SLC41A2: variants seen among roughly 807,000 people sequenced by gnomAD.
SLC41A2 encodes the protein SLC41A1-like 1.
A neutral mutation model predicts 58.3 loss-of-function variants in SLC41A2; 32 were observed. That is an observed-to-expected ratio of 0.55 (90% confidence interval 0.41 to 0.74). The LOEUF (loss-of-function observed/expected upper bound fraction) is 0.74. Among genes scored for constraint, SLC41A2 ranks in the 30% least tolerant of loss-of-function variants. The probability of loss-of-function intolerance (pLI) is 0.00; values close to 1 mark genes in which losing one functional copy is unlikely to be tolerated. For missense variants in SLC41A2, 514 were observed against 680.6 expected (o/e 0.76, Z 2.72); for synonymous variants, 190 against 235.0 (o/e 0.81, Z 1.75).
intron 3 of SLC41A2, among the ~76,000 whole-genome samples, chr12:104,902,142 GA>G (rs372889972): frequency 0.077 from 11,430 of 149,226 alleles, 490 homozygotes; most frequent in Middle Eastern, 0.11. Flanking sequence ...GCACATAAAT[GA>G]AAAAAAAACA....
At chr12:104,870,546 T>C (rs2043717980) in intron 6 of SLC41A2, among the ~76,000 whole-genome samples, 1 of 152,226 alleles carries the variant, frequency 6.6e-6, no homozygotes. Context: ...TTAAGCCTAA[T>C]AAATGTCCAT....
At chr12:104,825,991 G>A (rs1013444042) in intron 10 of SLC41A2, among the ~76,000 whole-genome samples, 1 of 152,140 alleles carries the variant, frequency 6.6e-6, no homozygotes. Context: ...CACCTGCCAA[G>A]GTCACCAGGG....
rs1478519158 is a variant in SLC41A2 at position 104,853,915 on chromosome 12, T to A, written c.1255+7376A>T. Among the ~76,000 whole-genome samples, 18 of 125,044 alleles carry A rather than the reference T, an allele frequency of 1.4e-4. 1 individual carries two copies. In the East Asian group the frequency reaches 2.8e-3, roughly 20 times the overall value. 82.0% of individuals were successfully genotyped at this position (125,044 alleles called of 152,430 possible). Reference sequence around the variant, plus strand: ...GCATGTCACCATGCCTGGCTGATTTTTTTTTTTTTTTTTTTTTTTTTTTTA... The same window carrying A: ...GCATGTCACCATGCCTGGCTGATTTATTTTTTTTTTTTTTTTTTTTTTTTA... On this transcript the variant is annotated intron_variant, in intron 8 of 10. Transcript: ENST00000258538.
intron 1 of SLC41A2, among the ~76,000 whole-genome samples, chr12:104,937,816 G>T (rs1457132776): frequency 6.6e-6 from 1 of 152,150 alleles, no homozygotes; most frequent in African/African-American, 2.4e-5. Flanking sequence ...CAAAGGATTT[G>T]TGTTACTTTG....
chr12:104,905,177 C>T (rs1019405780), intron 3 of SLC41A2, among the ~76,000 whole-genome samples: 97 of 152,252 alleles, frequency 6.4e-4, no homozygotes, highest in Middle Eastern at 6.8e-3. Context: ...TCGATTGGTG[C>T]ACTCACAAAC....
intron 10 of SLC41A2, among the ~76,000 whole-genome samples, chr12:104,821,870 C>T (rs1412244025): frequency 6.6e-6 from 1 of 152,148 alleles, no homozygotes; most frequent in Non-Finnish European, 1.5e-5. Context: ...ATTCTTTATA[C>T]CTTATACATA....
intron 1 of SLC41A2, among the ~76,000 whole-genome samples, chr12:104,948,679 C>T (rs2047827853): frequency 6.6e-6 from 1 of 152,184 alleles, no homozygotes; most frequent in African/African-American, 2.4e-5. Flanking sequence ...GTAGACATTT[C>T]TCTGTGTTAT....
intron 1 of SLC41A2, among the ~76,000 whole-genome samples, chr12:104,956,017 A>T (rs1324549624): frequency 2.0e-5 from 3 of 152,250 alleles, no homozygotes; most frequent in East Asian, 1.9e-4. Flanking sequence ...ATTTATTGTT[A>T]GTTTGTTCAG....
intron 4 of SLC41A2, among the ~76,000 whole-genome samples, chr12:104,889,448 C>A (rs544638662): frequency 6.6e-6 from 1 of 152,222 alleles, no homozygotes; most frequent in Non-Finnish European, 1.5e-5. Context: ...GATGGTATAA[C>A]TAATAGATCA....
chr12:104,858,380 T>C (rs1387861763), intron 8 of SLC41A2, among the ~76,000 whole-genome samples: 1 of 152,070 alleles, frequency 6.6e-6, no homozygotes, highest in Non-Finnish European at 1.5e-5. Context: ...ACTTACAAGA[T>C]AAGAGACCTT....
At chr12:104,808,618 AT>A (rs2041032342) in intron 10 of SLC41A2, among the ~76,000 whole-genome samples, 1 of 152,046 alleles carries the variant, frequency 6.6e-6, no homozygotes, top group African/African-American at 2.4e-5. Flanking sequence ...TTTTCTATTG[AT>A]TGGAATAGTT....
chr12:104,844,459 T>A lies in SLC41A2; in HGVS notation c.1536+13A>T, dbSNP rs2042530772. Reference sequence around the variant, plus strand: ...TCAGCATAAAAGAGATTTCAAGAAGTTTTAACTCTTACCTGTAACACAGCG... The same window carrying A: ...TCAGCATAAAAGAGATTTCAAGAAGATTTAACTCTTACCTGTAACACAGCG... On this transcript the variant is annotated intron_variant, in intron 10 of 10. Transcript: ENST00000258538. 1 of 1,422,350 alleles carries A rather than the reference T, an allele frequency of 7.0e-7. No individual in the cohort carries two copies. The highest frequency in any genetic ancestry group is 1.8e-5 in the South Asian group (1 of 55,298). The allele number at this position is 1,422,350 out of a possible 1,614,324, so 88.1% of individuals were successfully genotyped here.
intron 10 of SLC41A2, among the ~76,000 whole-genome samples, chr12:104,812,639 A>G (rs1040598835): frequency 1.3e-5 from 2 of 152,060 alleles, no homozygotes; most frequent in African/African-American, 4.8e-5. Context: ...CCGAGAGAAA[A>G]ATGGGATTCA....
intron 2 of SLC41A2, among the ~76,000 whole-genome samples, chr12:104,921,598 T>C (rs1293586339): frequency 1.3e-5 from 2 of 151,518 alleles, no homozygotes. Flanking sequence ...TAGTTTTGTC[T>C]TATAAGAAAT....
intron 1 of SLC41A2, among the ~76,000 whole-genome samples, chr12:104,946,651 T>C (rs1033467435): frequency 3.9e-5 from 6 of 152,226 alleles, no homozygotes; most frequent in Admixed American, 2.6e-4. Context: ...CGGCAAGTAC[T>C]TTATGCTATG....
At chr12:104,950,193 T>A (rs962817407) in intron 1 of SLC41A2, among the ~76,000 whole-genome samples, 1 of 152,162 alleles carries the variant, frequency 6.6e-6, no homozygotes. Context: ...TCTGATATGC[T>A]CTGGTTGTGT....
chr12:104,895,393 T>C (rs770647395), intron 3 of SLC41A2, 48 bp from the exon 4 acceptor site: 4 of 1,353,018 alleles, frequency 3.0e-6, no homozygotes, highest in Non-Finnish European at 4.2e-6. Context: ...ATCTACATGT[T>C]CTCTGCTGTG....
intron 4 of SLC41A2, among the ~76,000 whole-genome samples, chr12:104,891,883 T>C (rs2044991421): frequency 6.6e-6 from 1 of 152,218 alleles, no homozygotes; most frequent in Admixed American, 6.5e-5. Context: ...CAGTAGCATT[T>C]CTATATGCCA....
chr12:104,941,745 T>C (rs1444373922), intron 1 of SLC41A2, among the ~76,000 whole-genome samples: 3 of 152,214 alleles, frequency 2.0e-5, no homozygotes, highest in African/African-American at 7.2e-5. Flanking sequence ...GTGAAAAATA[T>C]CAAATAGCTA....
Sources: gnomAD v4.1 joint callset for allele counts (sites outside exome capture counted in the v4.1 genomes callset) on GRCh38, gnomAD v4.1.1 for gene constraint, MANE v1.5 for transcripts, NCBI Gene and HGNC (gene_info 2026-07-23, HGNC 2026-07-21) for gene names.